SOCS5: variants seen among roughly 807,000 people sequenced by gnomAD.
SOCS5 encodes the protein CIS-6.
A neutral mutation model predicts 42.8 loss-of-function variants in SOCS5; 32 were observed. The ratio of observed to expected loss-of-function variants is 0.75; its 90% CI spans 0.56 to 1.01. SOCS5 has a LOEUF of 1.01. SOCS5 is among the 50% of genes least tolerant of loss of function. The pLI, the probability that SOCS5 is intolerant of heterozygous loss-of-function variation, is 0.00. For synonymous variants in SOCS5, 283 were observed against 229.6 expected, an observed-to-expected ratio of 1.23 and a Z score of -2.10; for missense variants, 627 against 653.0, an observed-to-expected ratio of 0.96 and a Z score of 0.43.
intron 1 of SOCS5, among the ~76,000 whole-genome samples, chr2:46,717,428 A>G (rs1166052585): frequency 1.3e-5 from 2 of 152,128 alleles, no homozygotes; most frequent in Admixed American, 6.6e-5. Context: ...CTGCAGGACA[A>G]TTCTAGACTT....
At chr2:46,757,246 A>C (rs971279185) in intron 1 of SOCS5, among the ~76,000 whole-genome samples, 6 of 152,220 alleles carry the variant, frequency 3.9e-5, no homozygotes, top group African/African-American at 1.4e-4. Flanking sequence ...TAATTAGTTG[A>C]AGTTATGGCA....
In SOCS5 at chr2:46,700,118, G is replaced by A. The variant is rs184443451; in HGVS notation, c.-13+669G>A. Among the ~76,000 whole-genome samples, 121 of 152,242 alleles carry A rather than the reference G, an allele frequency of 7.9e-4. 1 individual carries two copies. Among genetic ancestry groups the A allele is most frequent in the African/African-American group, 2.8e-3 (118 of 41,530 alleles). On this transcript the variant is annotated intron_variant, in intron 1 of 1. Transcript: ENST00000394861. ...GTTTGGGCATCCGAGTAGCAGAAGC[G>A]GAGTGATTTTTGTGGAGAGGGAATT...
At chr2:46,740,366 G>A (rs549780109) in intron 1 of SOCS5, among the ~76,000 whole-genome samples, 62 of 152,194 alleles carry the variant, frequency 4.1e-4, no homozygotes, top group Non-Finnish European at 7.9e-4. Flanking sequence ...GCTATATTTG[G>A]TTAAAGAAAT....
Position 46,760,220 on chromosome 2 carries a change from GC to G in SOCS5, c.*80del. ...AGTACACCTATAGCAAGCACACGTA[GC>G]AGTGTTAGGCTTTTTCATACAGTAT... On this transcript the variant is annotated 3_prime_UTR_variant, in exon 2 of 2. Transcript: ENST00000394861. 1.0e-6 allele frequency: 1 copy of G among 1,001,154 alleles called. No homozygotes were observed. The highest frequency in any genetic ancestry group is 1.5e-6 in the Non-Finnish European group (1 of 664,152). 62.0% of individuals were successfully genotyped at this position (1,001,154 alleles called of 1,614,324 possible). A position where few individuals can be genotyped will look rare whatever the true frequency, so the allele number is the denominator to read the frequency against.
intron 1 of SOCS5, among the ~76,000 whole-genome samples, chr2:46,750,914 A>T (rs777640562): frequency 6.6e-6 from 1 of 152,110 alleles, no homozygotes; most frequent in Non-Finnish European, 1.5e-5. Context: ...CCATCTTTTT[A>T]TGTTCTCCAA....
intron 1 of SOCS5, among the ~76,000 whole-genome samples, chr2:46,713,480 A>T (rs1010427087): frequency 6.6e-6 from 1 of 152,136 alleles, no homozygotes; most frequent in African/African-American, 2.4e-5. Flanking sequence ...ATGAAACAAT[A>T]TTTCCTTTTT....
chr2:46,757,343 T>C (rs7568007), intron 1 of SOCS5, among the ~76,000 whole-genome samples: 92,309 of 152,062 alleles, frequency 0.61, 29,394 homozygotes, highest in African/African-American at 0.79. Context: ...TAATGTTGAC[T>C]TTTAGCTACT....
chr2:46,722,464 C>T lies in SOCS5; in HGVS notation c.-13+23015C>T, dbSNP rs183979786. ...ATTCAAGCTGGCTTCTTTTATTCATCGTAATGTCTTTGAAAATCAGCCAGG... is the reference window on the plus strand; with the variant it reads ...ATTCAAGCTGGCTTCTTTTATTCATTGTAATGTCTTTGAAAATCAGCCAGG... On this transcript the variant is annotated intron_variant, in intron 1 of 1. Transcript: ENST00000394861. Among the ~76,000 whole-genome samples the T allele has an allele frequency of 8.9e-4, 135 of 152,248 alleles. 1 individual carries two copies. Among genetic ancestry groups the T allele is most frequent in the Non-Finnish European group, 1.6e-3 (107 of 67,992 alleles).
chr2:46,729,935 C>G (rs1367484299), intron 1 of SOCS5, among the ~76,000 whole-genome samples: 12 of 152,032 alleles, frequency 7.9e-5, no homozygotes, highest in African/African-American at 2.7e-4. Flanking sequence ...TTCTTTATAT[C>G]CTTATTCTAT....
intron 1 of SOCS5, among the ~76,000 whole-genome samples, chr2:46,725,523 AG>A (rs1304447513): frequency 6.6e-6 from 1 of 152,026 alleles, no homozygotes; most frequent in East Asian, 1.9e-4. Context: ...CACCTAAGTG[AG>A]TTGTAGAAAT....
rs1365702369 is a variant in SOCS5 at position 46,760,019 on chromosome 2, A to G, written c.1489A>G (p.Thr497Ala). The G allele has an allele frequency of 6.2e-7, 1 of 1,614,078 alleles. No individual in the cohort carries two copies. Among genetic ancestry groups the G allele is most frequent in the Non-Finnish European group, 8.5e-7 (1 of 1,179,976 alleles). ...TCGCGCGGTAATCTGCAGGTGCACTACGTATGATGGAATTGATGGGCTCCC... is the reference window on the plus strand; with the variant it reads ...TCGCGCGGTAATCTGCAGGTGCACTGCGTATGATGGAATTGATGGGCTCCC... ...ICRAVICRCT[T>A]YDGIDGLPLP... The change falls in exon 2 of 2, where the codon ACG becomes GCG. Residue 497 changes from threonine (T) to alanine (A), a missense_variant. Physicochemically the swap from Thr to Ala is moderately conservative, Grantham distance 58. This residue lies in a region of SOCS5 where 340 missense variants were observed against 367.6 expected (regional missense o/e 0.92). Transcript: ENST00000394861.
chr2:46,739,979 C>T lies in SOCS5; in HGVS notation c.-12-18540C>T, dbSNP rs149343656. ...CTCTCTCAGAGAACTAAGGTATTAA[C>T]GTATTCAAACGGAAGCCTTTATCTG... is the stretch of plus-strand genomic sequence containing the variant. On this transcript the variant is annotated intron_variant, in intron 1 of 1. Transcript: ENST00000394861. Among the ~76,000 whole-genome samples the T allele has an allele frequency of 4.1e-3, 627 of 152,224 alleles. 5 individuals carry two copies. Among genetic ancestry groups the T allele is most frequent in the Admixed American group, 9.4e-3 (144 of 15,292 alleles).
At chr2:46,716,947 C>G (rs1172286822) in intron 1 of SOCS5, among the ~76,000 whole-genome samples, 1 of 152,114 alleles carries the variant, frequency 6.6e-6, no homozygotes, top group Non-Finnish European at 1.5e-5. Context: ...ATGTATTCAT[C>G]AAGGTTTATT....
At chr2:46,734,843 G>A (rs532536702) in intron 1 of SOCS5, among the ~76,000 whole-genome samples, 2 of 152,188 alleles carry the variant, frequency 1.3e-5, no homozygotes, top group African/African-American at 2.4e-5. Flanking sequence ...CATGGAAGAC[G>A]CTTGAGAGTC....
At position 46,726,228 on chromosome 2, in the gene SOCS5, T is replaced by C. The variant is rs569610419; in HGVS notation, c.-13+26779T>C. Among the ~76,000 whole-genome samples, 4 of 152,074 alleles carry C rather than the reference T, an allele frequency of 2.6e-5. No individual in the cohort carries two copies. In the South Asian group the frequency reaches 8.3e-4, roughly 32 times the overall value. ...TCTTCTGCCTCAGCCTCCTGAGTAG[T>C]TGGGATTACAGGCGTGCACCACCAT... On this transcript the variant is annotated intron_variant, in intron 1 of 1. Coordinates refer to ENST00000394861, the MANE Select transcript of SOCS5 (RefSeq NM_144949.3).
intron 1 of SOCS5, among the ~76,000 whole-genome samples, chr2:46,713,245 A>T (rs1030458469): frequency 6.6e-6 from 1 of 152,116 alleles, no homozygotes; most frequent in Non-Finnish European, 1.5e-5. Context: ...AGTTTCAGCT[A>T]CTCAGGAGGT....
intron 1 of SOCS5, among the ~76,000 whole-genome samples, chr2:46,751,339 GTAA>G (rs1216728908): frequency 6.6e-6 from 1 of 151,988 alleles, no homozygotes; most frequent in Admixed American, 6.6e-5. Context: ...GTTAAAAAAT[GTAA>G]TTGCCAGAGG....
At chr2:46,755,407 A>G (rs1673710783) in intron 1 of SOCS5, among the ~76,000 whole-genome samples, 1 of 152,202 alleles carries the variant, frequency 6.6e-6, no homozygotes, top group South Asian at 2.1e-4. Flanking sequence ...ATTTTTATAT[A>G]TGTAAACTTA....
rs1190670500 is a variant in SOCS5, at chr2:46,730,819, G to A, written c.-12-27700G>A. 2.6e-5 allele frequency among the ~76,000 whole-genome samples: 4 copies of A among 152,228 alleles called. No homozygotes were observed. The East Asian group carries it at 5.8e-4, about 22-fold the overall frequency. ...TTTACCTTGAAGTATATGTAGGCTA[G>A]GATATCGGATTAGTAGGTATATTCA... On this transcript the variant is annotated intron_variant, in intron 1 of 1. Transcript: ENST00000394861.
Sources: allele counts gnomAD v4.1 joint callset (sites outside exome capture counted in the v4.1 genomes callset), GRCh38; gene constraint gnomAD v4.1.1; regional missense constraint gnomAD v4.1.1; transcripts MANE v1.5; gene names NCBI Gene and HGNC (gene_info 2026-07-23, HGNC 2026-07-21).